PKDCC: variants seen among roughly 807,000 people sequenced by gnomAD.
The protein encoded by PKDCC is protein kinase domain containing, cytoplasmic, also known as extracellular tyrosine-protein kinase PKDCC.
In PKDCC, 35 loss-of-function variants were observed where a neutral mutation model predicts 44.7. The observed-to-expected ratio is 0.78, with a 90% CI of 0.60 to 1.04. The LOEUF is 1.04. Ranked by LOEUF, PKDCC falls within the 50% of genes least tolerant of loss-of-function variation. The pLI is 0.00. For missense variants in PKDCC, 738 were observed against 672.7 expected (o/e 1.10, Z -1.07); for synonymous variants, 353 against 303.3 (o/e 1.16, Z -1.70).
At chr2:42,050,177 C>G (rs773278696) in intron 1 of PKDCC, among the ~76,000 whole-genome samples, 1 of 152,338 alleles carries the variant, frequency 6.6e-6, no homozygotes, top group East Asian at 1.9e-4. Flanking sequence ...CTCAGGAGCT[C>G]GGGCAGAACC....
rs1440278027 is a variant in PKDCC, at chr2:42,057,803, G to A, written c.*115G>A. ...TCACCTGGGAACCCCTGCAGACAAA[G>A]CTAACATCCCAGACAGACAGATGTG... On this transcript the variant is annotated 3_prime_UTR_variant, in exon 7 of 7. Transcript: ENST00000294964. The A allele has an allele frequency of 4.8e-6, 4 of 827,478 alleles. No individual in the cohort carries two copies. The highest frequency in any genetic ancestry group is 7.7e-6 in the Non-Finnish European group (4 of 518,052). 51.3% of individuals were successfully genotyped at this position (827,478 alleles called of 1,614,324 possible). A position where few individuals can be genotyped will look rare whatever the true frequency, so the allele number is the denominator to read the frequency against.
chr2:42,053,947 T>G, intron 2 of PKDCC, 89 bp from the exon 3 acceptor site: 1 of 1,510,308 alleles, frequency 6.6e-7, no homozygotes, highest in Non-Finnish European at 8.9e-7. Flanking sequence ...ACAAGCAAAG[T>G]TCAGATTCCA....
chr2:42,055,104 G>C lies in PKDCC; in HGVS notation c.1114+84G>C, dbSNP rs1668031399. 6.9e-7 allele frequency: 1 copy of C among 1,453,330 alleles called. No homozygotes were observed. Among genetic ancestry groups the C allele is most frequent in the Non-Finnish European group, 9.6e-7 (1 of 1,037,518 alleles). 90.0% of individuals were successfully genotyped at this position (1,453,330 alleles called of 1,614,324 possible). A position where few individuals can be genotyped will look rare whatever the true frequency, so the allele number is the denominator to read the frequency against. ...AAAGTGGGGAGAAAAATAACCCAGG[G>C]CAGCAGGGGTTCTAGAAACCATCAC... On this transcript the variant is annotated intron_variant, in intron 4 of 6. Coordinates refer to ENST00000294964, the MANE Select transcript of PKDCC (RefSeq NM_138370.3). The surrounding 1 kb of genome is among the most constrained non-coding windows in gnomAD (Gnocchi z 4.5).
Position 42,048,283 on chromosome 2 carries a change from G to A in PKDCC, c.84G>A (p.Pro28=), listed in dbSNP as rs1192045369. The change falls in exon 1 of 7, where the codon CCG becomes CCA. Residue 28 remains proline (P), a synonymous_variant. Transcript: ENST00000294964. The surrounding 1 kb of genome is among the most constrained non-coding windows in gnomAD (Gnocchi z 6.2). The part of the protein sequence containing the change: ...LGSVLNVLFA[P]GSEPPRPGQS... ...CCGTCCTCAACGTGCTCTTCGCTCC[G>A]GGCTCGGAGCCTCCGAGGCCAGGCC... 3.9e-6 allele frequency: 5 copies of A among 1,272,824 alleles called. No individual in the cohort carries two copies. The South Asian group carries it at 5.9e-5, about 15-fold the overall frequency. 78.8% of individuals were successfully genotyped at this position (1,272,824 alleles called of 1,614,324 possible). A position where few individuals can be genotyped will look rare whatever the true frequency, so the allele number is the denominator to read the frequency against.
intron 1 of PKDCC, among the ~76,000 whole-genome samples, chr2:42,049,830 CAG>C (rs942109352): frequency 4.2e-4 from 64 of 152,322 alleles, no homozygotes; most frequent in African/African-American, 1.1e-3. Context: ...TCTGAGCAAA[CAG>C]AGGGGAATCC....
Position 42,054,320 on chromosome 2 carries a change from CCT to C in PKDCC, c.1034+14_1034+15del. The C allele has an allele frequency of 1.3e-6, 2 of 1,588,610 alleles. No individual in the cohort carries two copies. The highest frequency in any genetic ancestry group is 1.7e-6 in the Non-Finnish European group (2 of 1,165,216). On this transcript the variant is annotated intron_variant, in intron 3 of 6. Transcript: ENST00000294964. The surrounding 1 kb of genome is among the most constrained non-coding windows in gnomAD (Gnocchi z 6.1). ...ATAATGCCTACAGGTGACCTCCACCCCTGACTCGGGAACTCCATCGAAGGAGA... is the reference window on the plus strand; with the variant it reads ...ATAATGCCTACAGGTGACCTCCACCCGACTCGGGAACTCCATCGAAGGAGA...
chr2:42,048,163 A>C lies in PKDCC; in HGVS notation c.-37A>C, dbSNP rs866273859. ...GAGCCGCCCGGGGCCGGGGCCGGGGAGCCGCGCGGGGCCGGCCGGCCGGGG... is the reference window on the plus strand; with the variant it reads ...GAGCCGCCCGGGGCCGGGGCCGGGGCGCCGCGCGGGGCCGGCCGGCCGGGG... On this transcript the variant is annotated 5_prime_UTR_variant, in exon 1 of 7. Transcript: ENST00000294964. The surrounding 1 kb of genome is among the most constrained non-coding windows in gnomAD (Gnocchi z 6.2). The C allele has an allele frequency of 2.3e-3, 2,159 of 932,842 alleles. 32 individuals are homozygous for C. The African/African-American group carries it at 0.05, about 21-fold the overall frequency. 57.8% of individuals were successfully genotyped at this position (932,842 alleles called of 1,614,324 possible). A position where few individuals can be genotyped will look rare whatever the true frequency, so the allele number is the denominator to read the frequency against.
intron 5 of PKDCC, 140 bp from the exon 6 acceptor site, chr2:42,057,081 C>G (rs1435463922): frequency 5.6e-6 from 5 of 895,414 alleles, no homozygotes; most frequent in Non-Finnish European, 8.6e-6. Context: ...CTGCCTTCAT[C>G]TGCGTGCTAG....
chr2:42,055,976 C>T lies in PKDCC; in HGVS notation c.1222+583C>T, dbSNP rs1668047176. 6.6e-6 allele frequency among the ~76,000 whole-genome samples: 1 copy of T among 152,102 alleles called. No individual in the cohort carries two copies. The highest frequency in any genetic ancestry group is 2.4e-5 in the African/African-American group (1 of 41,396). On this transcript the variant is annotated intron_variant, in intron 5 of 6. Coordinates refer to ENST00000294964, the MANE Select transcript of PKDCC (RefSeq NM_138370.3). The surrounding 1 kb of genome is among the most constrained non-coding windows in gnomAD (Gnocchi z 4.5). ...TCAGGCTGTGGTCCTTCTGCTGAAG[C>T]CCTGGGGTTTAGCTGGGGTTGGCAG...
rs909537718 is a variant in PKDCC at position 42,048,949 on chromosome 2, G to A, written c.639+111G>A. 6.8e-6 allele frequency: 9 copies of A among 1,326,322 alleles called. No homozygotes were observed. Among genetic ancestry groups the A allele is most frequent in the African/African-American group, 5.9e-5 (4 of 67,684 alleles). The allele number at this position is 1,326,322 out of a possible 1,614,324, so 82.2% of individuals were successfully genotyped here. A position where few individuals can be genotyped will look rare whatever the true frequency, so the allele number is the denominator to read the frequency against. On this transcript the variant is annotated intron_variant, in intron 1 of 6. Coordinates refer to ENST00000294964, the MANE Select transcript of PKDCC (RefSeq NM_138370.3). This position sits in a 1 kb window ranked among gnomAD's most constrained non-coding sequence, Gnocchi z 6.2. ...CTGGAGTGCCAGTGACTGCACCCAG[G>A]CTAAGCTAGACGCAGAAACCGGACC...
rs1277200696 is a variant in PKDCC, at chr2:42,048,384, C to A, written c.185C>A (p.Ala62Glu). The change falls in exon 1 of 7, where the codon GCG becomes GAG. Residue 62 changes from alanine to glutamate, a missense_variant. Transcript: ENST00000294964. This position sits in a 1 kb window ranked among gnomAD's most constrained non-coding sequence, Gnocchi z 6.2. ...GGGGAGCTGGCCCGGCAGATCCGGGCGCGCTACGAGGAGGTGCAGCGCTAT... is the reference window on the plus strand; with the variant it reads ...GGGGAGCTGGCCCGGCAGATCCGGGAGCGCTACGAGGAGGTGCAGCGCTAT... ...GRGELARQIR[A>E]RYEEVQRYSR... 87 of 1,151,568 alleles carry A rather than the reference C, an allele frequency of 7.6e-5. No homozygotes were observed. The highest frequency in any genetic ancestry group is 9.8e-5 in the Admixed American group (2 of 20,350). 71.3% of individuals were successfully genotyped at this position (1,151,568 alleles called of 1,614,324 possible).
rs1668039369 is a variant in PKDCC, at chr2:42,055,495, CT to C, written c.1222+104del. 3.0e-6 allele frequency: 3 copies of C among 995,018 alleles called. No homozygotes were observed. The highest frequency in any genetic ancestry group is 3.0e-6 in the Non-Finnish European group (2 of 661,886). The allele number at this position is 995,018 out of a possible 1,614,324, so 61.6% of individuals were successfully genotyped here. A position where few individuals can be genotyped will look rare whatever the true frequency, so the allele number is the denominator to read the frequency against. ...GTGGCTCACCCTTTCTCTGGGGACC[CT>C]TGTCTCCAAAGGCCACTGTAGGGGC... On this transcript the variant is annotated intron_variant, in intron 5 of 6. Transcript: ENST00000294964. The surrounding 1 kb of genome is among the most constrained non-coding windows in gnomAD (Gnocchi z 4.5).
In PKDCC at chr2:42,048,862, T is replaced by C; in HGVS notation, c.639+24T>C. The stretch of plus-strand genomic sequence containing the variant: ...AGGTACGAGGGTGGGGACGCGGGGG[T>C]AACGGTGTTGGCTGGGAGTGCCCAA... On this transcript the variant is annotated intron_variant, in intron 1 of 6. Transcript: ENST00000294964. This position sits in a 1 kb window ranked among gnomAD's most constrained non-coding sequence, Gnocchi z 6.2. 6.9e-7 allele frequency: 1 copy of C among 1,453,384 alleles called. No individual in the cohort carries two copies. Among genetic ancestry groups the C allele is most frequent in the Non-Finnish European group, 9.1e-7 (1 of 1,097,806 alleles). 90.0% of individuals were successfully genotyped at this position (1,453,384 alleles called of 1,614,324 possible).
chr2:42,056,391 C>A (rs1244143428), intron 5 of PKDCC, among the ~76,000 whole-genome samples: 1 of 152,134 alleles, frequency 6.6e-6, no homozygotes, highest in Non-Finnish European at 1.5e-5. Context: ...CCCACTCTAG[C>A]CATGGATTTT....
chr2:42,053,504 G>A (rs773048540), intron 2 of PKDCC, 143 bp downstream of exon 2: 29 of 1,169,800 alleles, frequency 2.5e-5, no homozygotes, highest in Non-Finnish European at 2.7e-5. Flanking sequence ...CTCAGCCACC[G>A]GCCAAAGGGT....
chr2:42,052,373 A>C lies in PKDCC; in HGVS notation c.640-866A>C, dbSNP rs746000418. Among the ~76,000 whole-genome samples, 2 of 152,202 alleles carry C rather than the reference A, an allele frequency of 1.3e-5. No homozygotes were observed. Among genetic ancestry groups the C allele is most frequent in the African/African-American group, 4.8e-5 (2 of 41,442 alleles). ...TGCCAGAAGGTAGAAATGATGAGGG[A>C]TAGATACAGATTCAAGGAGGGGAGG... On this transcript the variant is annotated intron_variant, in intron 1 of 6. Coordinates refer to ENST00000294964, the MANE Select transcript of PKDCC (RefSeq NM_138370.3). The surrounding 1 kb of genome is among the most constrained non-coding windows in gnomAD (Gnocchi z 4.3).
intron 1 of PKDCC, among the ~76,000 whole-genome samples, chr2:42,050,609 T>C (rs1267704510): frequency 6.6e-5 from 10 of 152,092 alleles, no homozygotes; most frequent in Admixed American, 6.5e-4. Context: ...AAGAAAAAAT[T>C]ACAACAGAAT....
Position 42,048,590 on chromosome 2 carries a change from G to GGCTGC in PKDCC, c.394_398dup (p.Leu135ProfsTer97). The GGCTGC allele has an allele frequency of 9.4e-6, 14 of 1,487,168 alleles. No individual in the cohort carries two copies. Among genetic ancestry groups the GGCTGC allele is most frequent in the Non-Finnish European group, 1.3e-5 (14 of 1,118,908 alleles). The allele number at this position is 1,487,168 out of a possible 1,614,324, so 92.1% of individuals were successfully genotyped here. On this transcript the variant is annotated frameshift_variant, in exon 1 of 7. Transcript: ENST00000294964. LOFTEE classifies it high-confidence loss of function. The surrounding 1 kb of genome is among the most constrained non-coding windows in gnomAD (Gnocchi z 6.2). ...CTCCCCCGGCCCGGGCCCGCGCCTG[G>GGCTGC]GCTGCGCCGCGCTTCGCAACGTGTC...
At position 42,052,506 on chromosome 2, in the gene PKDCC, T is replaced by C. The variant is rs1026968641; in HGVS notation, c.640-733T>C. Among the ~76,000 whole-genome samples the C allele has an allele frequency of 6.6e-6, 1 of 152,188 alleles. No homozygotes were observed. Among genetic ancestry groups the C allele is most frequent in the Non-Finnish European group, 1.5e-5 (1 of 68,016 alleles). On this transcript the variant is annotated intron_variant, in intron 1 of 6. Transcript: ENST00000294964. This position sits in a 1 kb window ranked among gnomAD's most constrained non-coding sequence, Gnocchi z 4.3. ...GCTCACGCCTGTAATCCCAACATTT[T>C]GGGAGGCCAAGGTAGGCAGATCACT...
Sources: gnomAD v4.1 joint callset for allele counts (sites outside exome capture counted in the v4.1 genomes callset) on GRCh38, gnomAD v4.1.1 for gene constraint, Gnocchi (gnomAD v3.1) non-coding constraint, MANE v1.5 for transcripts, NCBI Gene and HGNC (gene_info 2026-07-23, HGNC 2026-07-21) for gene names.